Variants in GPHN observed in about 807,000 individuals in gnomAD.
The protein encoded by GPHN is gephyrin.
Under a neutral mutation model 95.5 loss-of-function variants are expected in GPHN, and 17 were observed. The ratio of observed to expected loss-of-function variants is 0.18; its 90% CI spans 0.12 to 0.27. The LOEUF (loss-of-function observed/expected upper bound fraction) is 0.27, where lower values mean the gene tolerates loss of function less well. Among genes scored for constraint, GPHN ranks in the 10% least tolerant of loss-of-function variants. The probability of loss-of-function intolerance (pLI) is 1.00; values close to 1 mark genes in which losing one functional copy is unlikely to be tolerated. For missense variants in GPHN, 660 were observed against 978.1 expected (o/e 0.67, Z 4.34); for synonymous variants, 320 against 322.5 (o/e 0.99, Z 0.08).
chr14:66,617,530 A>G (rs1168405281), intron 1 of GPHN, among the ~76,000 whole-genome samples: 1 of 152,086 alleles, frequency 6.6e-6, no homozygotes, highest in East Asian at 1.9e-4. Context: ...CATGGACCAC[A>G]CAAGCTTTCT....
chr14:67,515,665 C>T, the GPHN span, among the ~76,000 whole-genome samples: 1 of 152,176 alleles, frequency 6.6e-6, no homozygotes, highest in Admixed American at 6.5e-5. Context: ...GGCTCTTCGG[C>T]CCTCCCTGTC....
At chr14:67,081,248 T>G (rs1348751264) in intron 11 of GPHN, among the ~76,000 whole-genome samples, 5 of 152,200 alleles carry the variant, frequency 3.3e-5, no homozygotes, top group Non-Finnish European at 7.4e-5. Context: ...GTATTCCCTT[T>G]TCACCACATC....
chr14:67,675,486 C>A, the GPHN span, among the ~76,000 whole-genome samples: 2 of 152,064 alleles, frequency 1.3e-5, no homozygotes, highest in Non-Finnish European at 2.9e-5. Context: ...AAACAAAAAA[C>A]CCAAAAACCA....
chr14:66,925,522 C>T (rs1312498337), intron 8 of GPHN, among the ~76,000 whole-genome samples: 3 of 152,070 alleles, frequency 2.0e-5, no homozygotes, highest in Non-Finnish European at 2.9e-5. Context: ...TAAGTGAGAA[C>T]ATGCAAAGTT....
chr14:66,647,607 G>T (rs562909301), intron 1 of GPHN, among the ~76,000 whole-genome samples: 1 of 151,712 alleles, frequency 6.6e-6, no homozygotes, highest in African/African-American at 2.4e-5. Flanking sequence ...TAACTTATAA[G>T]TTAGGCACAG....
intron 17 of GPHN, 55 bp from the exon 18 acceptor site, chr14:67,143,307 T>G (rs542403661): frequency 9.2e-7 from 1 of 1,091,712 alleles, no homozygotes; most frequent in Admixed American, 1.7e-5. Flanking sequence ...AAGTTGGCAC[T>G]ATATCTAAAA....
At chr14:66,739,268 G>A (rs2153438704) in intron 2 of GPHN, among the ~76,000 whole-genome samples, 1 of 147,704 alleles carries the variant, frequency 6.8e-6, no homozygotes, top group Middle Eastern at 3.5e-3. Flanking sequence ...CCAGGCTGGA[G>A]TGCAGTGGCA....
chr14:66,836,106 T>A (rs1230322463), intron 4 of GPHN, among the ~76,000 whole-genome samples: 1 of 132,710 alleles, frequency 7.5e-6, no homozygotes, highest in Non-Finnish European at 1.5e-5. Context: ...AAAGTTCATA[T>A]GGAACCAAAA....
intron 17 of GPHN, among the ~76,000 whole-genome samples, chr14:67,133,785 C>G (rs1436832774): frequency 6.6e-6 from 1 of 152,128 alleles, no homozygotes; most frequent in Non-Finnish European, 1.5e-5. Flanking sequence ...TTCTACCTTT[C>G]TATTAAGTGC....
the GPHN span, chr14:67,411,996 C>CCGA: frequency 6.5e-7 from 1 of 1,538,360 alleles, no homozygotes; most frequent in Non-Finnish European, 8.7e-7. Flanking sequence ...GGGCAATGTC[C>CCGA]CGAAGCTCGA....
intron 5 of GPHN, among the ~76,000 whole-genome samples, chr14:66,882,487 A>G (rs1472905562): frequency 1.3e-5 from 2 of 151,852 alleles, no homozygotes; most frequent in African/African-American, 4.8e-5. Context: ...GATTTTTTAT[A>G]TAAGTAAGTT....
the GPHN span, among the ~76,000 whole-genome samples, chr14:67,521,898 C>T: frequency 3.9e-5 from 6 of 152,118 alleles, no homozygotes; most frequent in Non-Finnish European, 8.8e-5. Context: ...GGGATTAAGC[C>T]GGGCACGGTG....
At chr14:67,112,973 G>T (rs1329839611) in intron 15 of GPHN, 45 bp from the exon 16 acceptor site, 2 of 1,589,098 alleles carry the variant, frequency 1.3e-6, no homozygotes, top group South Asian at 2.2e-5. Context: ...TTGAGAAAAT[G>T]TTGTTCTCTA....
At chr14:67,399,343 G>C in the GPHN span, among the ~76,000 whole-genome samples, 1 of 151,266 alleles carries the variant, frequency 6.6e-6, no homozygotes, top group African/African-American at 2.4e-5. Context: ...GGAATAAAGA[G>C]AAGGGTAGTT....
At chr14:66,521,010 A>G (rs1446669959) in intron 1 of GPHN, among the ~76,000 whole-genome samples, 1 of 152,098 alleles carries the variant, frequency 6.6e-6, no homozygotes, top group African/African-American at 2.4e-5. Context: ...AGCTCCATCC[A>G]TGTTCCCACA....
intron 5 of GPHN, among the ~76,000 whole-genome samples, chr14:66,887,848 T>A (rs2064278933): frequency 6.6e-6 from 1 of 152,188 alleles, no homozygotes; most frequent in Non-Finnish European, 1.5e-5. Context: ...AGTGCTCCAA[T>A]GGATGAAACA....
At chr14:67,096,911 C>G (rs985692731) in intron 12 of GPHN, among the ~76,000 whole-genome samples, 1 of 151,966 alleles carries the variant, frequency 6.6e-6, no homozygotes, top group African/African-American at 2.4e-5. Context: ...AAGATGTTGA[C>G]TCAAATTTTG....
intron 12 of GPHN, among the ~76,000 whole-genome samples, chr14:67,091,712 A>G (rs575771875): frequency 6.6e-6 from 1 of 152,040 alleles, no homozygotes; most frequent in East Asian, 1.9e-4. Context: ...GGTTGCTGTT[A>G]GCTTTTCTTG....
At chr14:66,686,737 T>G (rs940565400) in intron 2 of GPHN, among the ~76,000 whole-genome samples, 2 of 152,200 alleles carry the variant, frequency 1.3e-5, no homozygotes, top group African/African-American at 4.8e-5. Flanking sequence ...TTGAATACCC[T>G]TTATTTCTTT....
Sources: allele counts gnomAD v4.1 joint callset (sites outside exome capture counted in the v4.1 genomes callset), GRCh38; gene constraint gnomAD v4.1.1; transcripts MANE v1.5; gene names NCBI Gene and HGNC (gene_info 2026-07-23, HGNC 2026-07-21).